The following PTPRK variants were observed in gnomAD, a reference collection of about 807,000 sequenced individuals.
PTPRK encodes the protein protein tyrosine phosphatase receptor type K.
PTPRK carries 75 observed loss-of-function variants against 178.0 expected under a neutral mutation model. The ratio of observed to expected loss-of-function variants is 0.42; its 90% CI spans 0.35 to 0.51. The LOEUF (loss-of-function observed/expected upper bound fraction) is 0.51. PTPRK is among the 20% of genes least tolerant of loss of function. The pLI, the probability that PTPRK is intolerant of heterozygous loss-of-function variation, is 0.02. For missense variants in PTPRK, 1,441 were observed against 1,797.8 expected (o/e 0.80, Z 3.59); for synonymous variants, 637 against 620.6 (o/e 1.03, Z -0.39).
intron 6 of PTPRK, among the ~76,000 whole-genome samples, chr6:128,210,091 T>C (rs1807822960): frequency 6.6e-6 from 1 of 152,078 alleles, no homozygotes; most frequent in African/African-American, 2.4e-5. Context: ...GTAGGTTTTT[T>C]ATAGAAGTAC....
At chr6:128,130,553 T>C (rs1448924301) in intron 7 of PTPRK, among the ~76,000 whole-genome samples, 1 of 152,164 alleles carries the variant, frequency 6.6e-6, no homozygotes, top group African/African-American at 2.4e-5. Context: ...TAATCCAAGG[T>C]AGTGAGATAA....
intron 1 of PTPRK, among the ~76,000 whole-genome samples, chr6:128,508,404 T>C (rs1856675743): frequency 6.6e-6 from 1 of 152,168 alleles, no homozygotes; most frequent in African/African-American, 2.4e-5. Context: ...ACAGCTTAGA[T>C]GGCAAGAGCA....
At chr6:128,411,030 T>G (rs1842252991) in intron 1 of PTPRK, among the ~76,000 whole-genome samples, 2 of 152,182 alleles carry the variant, frequency 1.3e-5, no homozygotes. Context: ...TACCTGGGAC[T>G]ATAGGTGCAT....
intron 3 of PTPRK, among the ~76,000 whole-genome samples, chr6:128,263,115 C>T (rs1291803395): frequency 6.6e-6 from 1 of 152,054 alleles, no homozygotes; most frequent in Non-Finnish European, 1.5e-5. Flanking sequence ...CTGGGCCAAA[C>T]ACAAGGAAGA....
intron 7 of PTPRK, among the ~76,000 whole-genome samples, chr6:128,147,882 G>A (rs1039823164): frequency 3.9e-5 from 6 of 152,070 alleles, no homozygotes; most frequent in Admixed American, 1.3e-4. Flanking sequence ...AGGCTTTTCT[G>A]CCTGCTCTAT....
intron 2 of PTPRK, among the ~76,000 whole-genome samples, chr6:128,388,698 G>T (rs1839123106): frequency 6.6e-6 from 1 of 152,100 alleles, no homozygotes; most frequent in Admixed American, 6.6e-5. Flanking sequence ...ATTTACTTAG[G>T]TTCACCTGAC....
intron 13 of PTPRK, among the ~76,000 whole-genome samples, chr6:128,029,649 A>ATAG (rs1390235490): frequency 1.4e-5 from 2 of 143,242 alleles, no homozygotes; most frequent in Non-Finnish European, 1.5e-5. Flanking sequence ...AATAATAATA[A>ATAG]TAATAATAAT....
At chr6:128,387,304 A>C (rs1387542816) in intron 2 of PTPRK, among the ~76,000 whole-genome samples, 1 of 152,202 alleles carries the variant, frequency 6.6e-6, no homozygotes, top group Non-Finnish European at 1.5e-5. Flanking sequence ...AAGATATTTT[A>C]CAACTCTGTG....
intron 6 of PTPRK, among the ~76,000 whole-genome samples, chr6:128,200,455 G>C (rs1805701080): frequency 6.6e-6 from 1 of 152,060 alleles, no homozygotes; most frequent in Non-Finnish European, 1.5e-5. Context: ...GCCAGGCAGA[G>C]GGCTCACACC....
At chr6:128,274,326 T>C (rs909478159) in intron 3 of PTPRK, among the ~76,000 whole-genome samples, 4 of 152,134 alleles carry the variant, frequency 2.6e-5, no homozygotes, top group Non-Finnish European at 4.4e-5. Context: ...ACAAACTAAA[T>C]TCCATCTTCC....
At chr6:128,061,682 G>T (rs1780849628) in intron 13 of PTPRK, among the ~76,000 whole-genome samples, 1 of 152,074 alleles carries the variant, frequency 6.6e-6, no homozygotes, top group Admixed American at 6.6e-5. Context: ...GGGCAGGGTT[G>T]TCCTTCTCAC....
At chr6:128,091,401 A>G (rs367705702) in intron 7 of PTPRK, among the ~76,000 whole-genome samples, 1 of 152,170 alleles carries the variant, frequency 6.6e-6, no homozygotes, top group African/African-American at 2.4e-5. Context: ...GATACTTTCA[A>G]TTTAGTCCAG....
intron 1 of PTPRK, chr6:128,501,077 C>T (rs1021722216): frequency 6.6e-6 from 1 of 152,150 alleles, no homozygotes; most frequent in Non-Finnish European, 1.5e-5. Flanking sequence ...AGGGTTTCAC[C>T]ACGTTGACCA....
intron 1 of PTPRK, among the ~76,000 whole-genome samples, chr6:128,438,874 T>C (rs1226209765): frequency 6.6e-6 from 1 of 152,098 alleles, no homozygotes; most frequent in African/African-American, 2.4e-5. Context: ...TTCCAATAGT[T>C]GCATCAACTC....
chr6:128,395,774 C>T (rs981429291), intron 2 of PTPRK, among the ~76,000 whole-genome samples: 1 of 152,102 alleles, frequency 6.6e-6, no homozygotes, highest in African/African-American at 2.4e-5. Flanking sequence ...AGAGTGTCAA[C>T]CACACAGTTC....
chr6:128,436,502 A>G (rs755773039), intron 1 of PTPRK, among the ~76,000 whole-genome samples: 3 of 152,178 alleles, frequency 2.0e-5, no homozygotes, highest in Non-Finnish European at 4.4e-5. Context: ...TTCAGTATAT[A>G]CTGACACTAA....
At chr6:127,999,397 T>C (rs1224070744) in intron 15 of PTPRK, among the ~76,000 whole-genome samples, 1 of 152,136 alleles carries the variant, frequency 6.6e-6, no homozygotes, top group East Asian at 1.9e-4. Flanking sequence ...TGGGGCTTTT[T>C]ACCACAACAC....
intron 1 of PTPRK, among the ~76,000 whole-genome samples, chr6:128,497,977 A>G (rs377746402): frequency 2.6e-5 from 4 of 152,322 alleles, no homozygotes; most frequent in South Asian, 4.1e-4. Flanking sequence ...GCATCCTTAA[A>G]GAATTTTTCT....
At position 128,175,769 on chromosome 6, in the gene PTPRK, T is replaced by TA. The variant is rs1332831512; in HGVS notation, c.1162+8662dup. Among the ~76,000 whole-genome samples the TA allele has an allele frequency of 4.6e-5, 7 of 151,910 alleles. No individual in the cohort carries two copies. In the East Asian group the frequency reaches 7.7e-4, roughly 17 times the overall value. Reference sequence around the variant, plus strand: ...GTATTATTTTAATATATACATAATTTAAAAAAATAATTTGGGTACGTAAGC... The same window carrying TA: ...GTATTATTTTAATATATACATAATTTAAAAAAAATAATTTGGGTACGTAAGC... On this transcript the variant is annotated intron_variant, in intron 7 of 29. Transcript: ENST00000368226.
Sources: gnomAD v4.1 joint callset for allele counts (sites outside exome capture counted in the v4.1 genomes callset) on GRCh38, gnomAD v4.1.1 for gene constraint, MANE v1.5 for transcripts, NCBI Gene and HGNC (gene_info 2026-07-23, HGNC 2026-07-21) for gene names.